Variants in REV1 observed in about 807,000 individuals in gnomAD.
The protein encoded by REV1 is translesion synthesis protein REV1.
REV1 carries 42 observed loss-of-function variants against 137.4 expected under a neutral mutation model. The observed-to-expected ratio is 0.31, with a 90% confidence interval of 0.24 to 0.40. REV1 has a LOEUF of 0.40. REV1 is among the 10% of genes least tolerant of loss of function. The pLI is 1.00. For synonymous variants in REV1, 524 were observed against 519.2 expected (o/e 1.01, Z -0.12); for missense variants, 1,282 against 1,490.1 (o/e 0.86, Z 2.30).
At chr2:99,453,074 T>G (rs1430717936) in intron 3 of REV1, among the ~76,000 whole-genome samples, 1 of 152,050 alleles carries the variant, frequency 6.6e-6, no homozygotes, top group Non-Finnish European at 1.5e-5. Flanking sequence ...TAGTAAAAAT[T>G]ATGTGGCCAG....
chr2:99,476,024 T>C (rs544681644), intron 1 of REV1, among the ~76,000 whole-genome samples: 24 of 152,230 alleles, frequency 1.6e-4, no homozygotes, highest in Non-Finnish European at 3.4e-4. Flanking sequence ...TGTATGATTC[T>C]ACACATCTAG....
At chr2:99,450,641 A>G (rs1164694360) in intron 3 of REV1, among the ~76,000 whole-genome samples, 1 of 152,214 alleles carries the variant, frequency 6.6e-6, no homozygotes, top group Admixed American at 6.5e-5. Flanking sequence ...ATTCAGTAGA[A>G]AATATTATGC....
chr2:99,431,580 A>G (rs1369637846), intron 8 of REV1, among the ~76,000 whole-genome samples: 1 of 152,162 alleles, frequency 6.6e-6, no homozygotes, highest in African/African-American at 2.4e-5. Context: ...TTGGAGAATT[A>G]CCTGACTTTG....
intron 1 of REV1, among the ~76,000 whole-genome samples, chr2:99,486,768 T>G (rs1484117280): frequency 6.6e-6 from 1 of 152,198 alleles, no homozygotes; most frequent in African/African-American, 2.4e-5. Flanking sequence ...ATTCATTTAC[T>G]CAACAAGTTT....
At chr2:99,445,488 C>G (rs1682080858) in intron 4 of REV1, among the ~76,000 whole-genome samples, 1 of 152,140 alleles carries the variant, frequency 6.6e-6, no homozygotes, top group Non-Finnish European at 1.5e-5. Context: ...AACACAAAAT[C>G]AAGAACAACA....
chr2:99,467,970 G>A (rs1026521413), intron 1 of REV1, among the ~76,000 whole-genome samples: 13 of 152,104 alleles, frequency 8.5e-5, no homozygotes, highest in Admixed American at 1.3e-4. Context: ...CACGTGAGGC[G>A]GGGAGTTTGA....
In REV1 at chr2:99,483,321, C is replaced by T. The variant is rs145470660; in HGVS notation, c.-11+6496G>A. Reference sequence around the variant, plus strand: ...AATAGCAAATGTAGAAATGATGGAGCTTAGAGAATGTAAGATGCAGCCATT... The same window carrying T: ...AATAGCAAATGTAGAAATGATGGAGTTTAGAGAATGTAAGATGCAGCCATT... On this transcript the variant is annotated intron_variant, in intron 1 of 22. Coordinates refer to ENST00000258428, the MANE Select transcript of REV1 (RefSeq NM_016316.4). 5.0e-3 allele frequency among the ~76,000 whole-genome samples: 755 copies of T among 152,216 alleles called. 8 individuals carry two copies. Among genetic ancestry groups the T allele is most frequent in the Non-Finnish European group, 5.5e-3 (373 of 68,008 alleles).
At chr2:99,454,500 A>G (rs1478387469) in intron 3 of REV1, among the ~76,000 whole-genome samples, 3 of 143,520 alleles carry the variant, frequency 2.1e-5, no homozygotes, top group Non-Finnish European at 4.5e-5. Flanking sequence ...CAGTGAGCCA[A>G]GATCCCGCCA....
intron 1 of REV1, among the ~76,000 whole-genome samples, chr2:99,485,108 A>C (rs904778325): frequency 3.9e-5 from 6 of 152,246 alleles, no homozygotes; most frequent in Admixed American, 3.9e-4. Flanking sequence ...ATTACTTGTT[A>C]AAGTTCAGAC....
chr2:99,450,318 T>C (rs28369961), intron 3 of REV1, among the ~76,000 whole-genome samples: 1,671 of 152,286 alleles, frequency 0.011, 9 homozygotes, highest in Middle Eastern at 0.024. Context: ...AAAGTCATAT[T>C]ATGGCCTGCA....
In REV1 at chr2:99,416,912, C is replaced by CAAAAAA. The variant is rs755184253; in HGVS notation, c.1951+1910_1951+1915dup. 4.2e-3 allele frequency among the ~76,000 whole-genome samples: 326 copies of CAAAAAA among 77,678 alleles called. 10 individuals are homozygous for CAAAAAA. Among genetic ancestry groups the CAAAAAA allele is most frequent in the African/African-American group, 0.01 (167 of 16,578 alleles). The allele number at this position is 77,678 out of a possible 152,430, so 51.0% of individuals were successfully genotyped here. On this transcript the variant is annotated intron_variant, in intron 12 of 22. Transcript: ENST00000258428. Reference sequence around the variant, plus strand: ...TGGGCAACAGAGCAAGACTCCATCTCAAAAAAAAAAAAAAAAAAAAAGAAA... The same window carrying CAAAAAA: ...TGGGCAACAGAGCAAGACTCCATCTCAAAAAAAAAAAAAAAAAAAAAAAAAAAGAAA...
chr2:99,434,805 T>C (rs1157080087), intron 7 of REV1, among the ~76,000 whole-genome samples: 7 of 151,460 alleles, frequency 4.6e-5, no homozygotes, highest in African/African-American at 1.7e-4. Flanking sequence ...AAAACTAAAT[T>C]TTTTTTTGTA....
intron 22 of REV1, among the ~76,000 whole-genome samples, 197 bp from the exon 23 acceptor site, chr2:99,401,549 C>T (rs1315760095): frequency 6.6e-6 from 1 of 151,746 alleles, no homozygotes; most frequent in East Asian, 1.9e-4. Context: ...GAGTTTGAGA[C>T]CAGCCTGGCC....
chr2:99,456,601 C>T (rs1345475178), intron 3 of REV1, among the ~76,000 whole-genome samples: 4 of 152,198 alleles, frequency 2.6e-5, no homozygotes, highest in African/African-American at 9.6e-5. Context: ...GATTACTATA[C>T]ATAAAACAGG....
chr2:99,428,037 A>T (rs1679608420), intron 9 of REV1, among the ~76,000 whole-genome samples: 2 of 152,140 alleles, frequency 1.3e-5, no homozygotes, highest in African/African-American at 2.4e-5. Flanking sequence ...AAGCCACCAG[A>T]GCTGGTGACA....
At chr2:99,437,472 A>G (rs1431042220) in intron 6 of REV1, among the ~76,000 whole-genome samples, 12 of 152,210 alleles carry the variant, frequency 7.9e-5, no homozygotes, top group Non-Finnish European at 5.9e-5. Context: ...ATACTTCCTT[A>G]CTACCCTCTA....
intron 1 of REV1, among the ~76,000 whole-genome samples, chr2:99,489,525 C>A (rs1575284815): frequency 0.025 from 1 of 40 alleles, no homozygotes; most frequent in Admixed American, 0.25. Flanking sequence ...CGCGGGGCGG[C>A]CCATGGGGCT....
At chr2:99,441,736 T>C (rs1320524133) in intron 5 of REV1, among the ~76,000 whole-genome samples, 2 of 152,080 alleles carry the variant, frequency 1.3e-5, no homozygotes, top group African/African-American at 4.8e-5. Context: ...TAAAAATCCA[T>C]GAAAAAACTT....
intron 7 of REV1, among the ~76,000 whole-genome samples, chr2:99,434,803 A>T (rs901395692): frequency 3.3e-5 from 5 of 151,274 alleles, no homozygotes; most frequent in African/African-American, 1.2e-4. Context: ...GAAAAACTAA[A>T]TTTTTTTTTG....
Sources: gnomAD v4.1 joint callset for allele counts (sites outside exome capture counted in the v4.1 genomes callset) on GRCh38, gnomAD v4.1.1 for gene constraint, MANE v1.5 for transcripts, NCBI Gene and HGNC (gene_info 2026-07-23, HGNC 2026-07-21) for gene names.